The following DPP10 variants were observed in gnomAD, a reference collection of about 807,000 sequenced individuals.
DPP10 encodes inactive dipeptidyl peptidase 10.
A neutral mutation model predicts 120.9 loss-of-function variants in DPP10; 33 were observed. The ratio of observed to expected loss-of-function variants is 0.27; its 90% confidence interval spans 0.21 to 0.37. The LOEUF (loss-of-function observed/expected upper bound fraction) is 0.37. DPP10 is among the 10% of genes least tolerant of loss of function. The probability of loss-of-function intolerance (pLI) is 1.00; values close to 1 mark genes in which losing one functional copy is unlikely to be tolerated. For synonymous variants in DPP10, 337 were observed against 326.1 expected, an observed-to-expected ratio of 1.03 and a Z score of -0.36; for missense variants, 816 against 942.8, an observed-to-expected ratio of 0.87 and a Z score of 1.76.
intron 1 of DPP10, among the ~76,000 whole-genome samples, chr2:115,135,021 A>C (rs112843279): frequency 6.6e-6 from 1 of 152,190 alleles, no homozygotes; most frequent in African/African-American, 2.4e-5. Context: ...CTTTAATTTC[A>C]AACCCAGGTT....
intron 1 of DPP10, among the ~76,000 whole-genome samples, chr2:114,684,619 G>A (rs1381868386): frequency 6.6e-6 from 1 of 151,890 alleles, no homozygotes; most frequent in Admixed American, 6.6e-5. Flanking sequence ...TCTTACCCAG[G>A]CACTGAAAAG....
intron 1 of DPP10, among the ~76,000 whole-genome samples, chr2:115,221,844 T>G (rs2057187274): frequency 6.8e-6 from 1 of 147,540 alleles, no homozygotes; most frequent in African/African-American, 2.5e-5. Context: ...TAACCCCACA[T>G]GGACAGCTGA....
intron 1 of DPP10, among the ~76,000 whole-genome samples, chr2:114,873,108 G>T (rs1346006797): frequency 6.6e-6 from 1 of 152,166 alleles, no homozygotes; most frequent in African/African-American, 2.4e-5. Context: ...AAATGTGTCT[G>T]CACTGAGAGC....
intron 5 of DPP10, among the ~76,000 whole-genome samples, chr2:115,641,008 T>C (rs2149348577): frequency 6.6e-6 from 1 of 152,270 alleles, no homozygotes; most frequent in East Asian, 1.9e-4. Context: ...AACTGGAAAA[T>C]AGCTTTGAAA....
Position 114,830,011 on chromosome 2 carries a change from T to A in DPP10, c.60+387173T>A, listed in dbSNP as rs574319671. ...CTGCTGCCCTGGGCCTACTGACTCCTGTCCTCTCACTGTCCTTACTGCTGT... is the reference window on the plus strand; with the variant it reads ...CTGCTGCCCTGGGCCTACTGACTCCAGTCCTCTCACTGTCCTTACTGCTGT... On this transcript the variant is annotated intron_variant, in intron 1 of 25. Transcript: ENST00000410059. Among the ~76,000 whole-genome samples, 14 of 152,186 alleles carry A rather than the reference T, an allele frequency of 9.2e-5. No individual in the cohort carries two copies. In the South Asian group the frequency reaches 2.9e-3, roughly 32 times the overall value.
chr2:114,729,736 T>C (rs1422198163), intron 1 of DPP10, among the ~76,000 whole-genome samples: 2 of 152,240 alleles, frequency 1.3e-5, no homozygotes, highest in Admixed American at 6.5e-5. Context: ...GAGACTATTG[T>C]TGTGATCTGT....
At chr2:115,171,177 A>T (rs1573880208) in intron 1 of DPP10, among the ~76,000 whole-genome samples, 1 of 152,156 alleles carries the variant, frequency 6.6e-6, no homozygotes, top group East Asian at 1.9e-4. Context: ...GCTGGCCAAC[A>T]TGGTGAAACC....
chr2:115,543,635 GT>G (rs374305721), intron 5 of DPP10, among the ~76,000 whole-genome samples: 6 of 150,848 alleles, frequency 4.0e-5, no homozygotes, highest in South Asian at 2.1e-4. Flanking sequence ...CACATGCTGG[GT>G]TTTTTTTTGT....
intron 1 of DPP10, among the ~76,000 whole-genome samples, chr2:114,513,041 G>A (rs1357978391): frequency 6.6e-6 from 1 of 151,976 alleles, no homozygotes; most frequent in South Asian, 2.1e-4. Flanking sequence ...GAAGGGAGGA[G>A]AAAAAGAAGA....
intron 1 of DPP10, among the ~76,000 whole-genome samples, chr2:114,998,258 G>A (rs1025527973): frequency 2.6e-5 from 4 of 152,040 alleles, no homozygotes; most frequent in Admixed American, 1.3e-4. Context: ...AAAGGACCTC[G>A]GACTTCCAAA....
chr2:115,777,559 A>C (rs1302479017), intron 14 of DPP10, among the ~76,000 whole-genome samples: 2 of 152,094 alleles, frequency 1.3e-5, no homozygotes, highest in African/African-American at 4.8e-5. Flanking sequence ...TGATTTTATC[A>C]GGGGAAAAAA....
intron 5 of DPP10, among the ~76,000 whole-genome samples, chr2:115,565,419 C>A (rs553791135): frequency 1.4e-4 from 21 of 152,132 alleles, no homozygotes; most frequent in African/African-American, 5.1e-4. Context: ...GTTTATTTAT[C>A]AATGGCATTC....
rs1314384317 is a variant in DPP10 at position 115,392,130 on chromosome 2, ATTTAC to A, written c.271+48221_271+48225del. Among the ~76,000 whole-genome samples the A allele has an allele frequency of 7.2e-5, 11 of 151,974 alleles. No individual in the cohort carries two copies. The East Asian group carries it at 1.9e-3, about 27-fold the overall frequency. On this transcript the variant is annotated intron_variant, in intron 3 of 25. Coordinates refer to ENST00000410059, the MANE Select transcript of DPP10 (RefSeq NM_020868.6). The stretch of plus-strand genomic sequence containing the variant: ...TGCTGATATAATAACGTCATCTTCA[ATTTAC>A]TTATTCTCTGTTGTCGATGGGAAAT...
chr2:114,895,225 C>T (rs935793079), intron 1 of DPP10, among the ~76,000 whole-genome samples: 19 of 152,114 alleles, frequency 1.2e-4, no homozygotes, highest in Middle Eastern at 3.2e-3. Flanking sequence ...AATAAAACGA[C>T]GTGTGGATAC....
intron 3 of DPP10, among the ~76,000 whole-genome samples, chr2:115,454,752 A>G (rs1199377405): frequency 2.0e-5 from 3 of 151,714 alleles, no homozygotes; most frequent in Admixed American, 2.0e-4. Flanking sequence ...AAAGCAATTA[A>G]CAGCACTCAA....
chr2:115,427,964 G>C (rs1426382269), intron 3 of DPP10, among the ~76,000 whole-genome samples: 2 of 152,214 alleles, frequency 1.3e-5, no homozygotes, highest in Non-Finnish European at 2.9e-5. Context: ...ATGCTGCTTA[G>C]AAATTTCTTC....
intron 1 of DPP10, among the ~76,000 whole-genome samples, chr2:114,830,359 T>A (rs951515096): frequency 2.0e-5 from 3 of 152,204 alleles, no homozygotes; most frequent in African/African-American, 7.2e-5. Context: ...CATCCTCTGT[T>A]CTGTGCTGTT....
rs539588115 is a variant in DPP10 at position 115,656,895 on chromosome 2, T to C, written c.442-32792T>C. Among the ~76,000 whole-genome samples, 4 of 151,774 alleles carry C rather than the reference T, an allele frequency of 2.6e-5. No homozygotes were observed. The South Asian group carries it at 8.3e-4, about 31-fold the overall frequency. On this transcript the variant is annotated intron_variant, in intron 5 of 25. Transcript: ENST00000410059. ...ATGACCATTTTTCTATTATGATGGT[T>C]GCCAGGGACTGCGTGAGGAGAAAAA...
At chr2:115,212,193 T>C (rs2056559028) in intron 1 of DPP10, among the ~76,000 whole-genome samples, 2 of 152,168 alleles carry the variant, frequency 1.3e-5, no homozygotes, top group Non-Finnish European at 2.9e-5. Context: ...ACTTTAGTGC[T>C]TTAGAGAACA....
Sources: allele counts gnomAD v4.1 joint callset (sites outside exome capture counted in the v4.1 genomes callset), GRCh38; gene constraint gnomAD v4.1.1; transcripts MANE v1.5; gene names NCBI Gene and HGNC (gene_info 2026-07-23, HGNC 2026-07-21).